The following ADGRL2 variants were observed in gnomAD, a reference collection of about 807,000 sequenced individuals.
The protein encoded by ADGRL2 is calcium-independent alpha-latrotoxin receptor 2.
In ADGRL2, 44 loss-of-function variants were observed where a neutral mutation model predicts 157.4. That is an observed-to-expected ratio of 0.28 (90% CI 0.22 to 0.36). The LOEUF is 0.36. ADGRL2 is among the 10% of genes least tolerant of loss of function. The pLI, the probability that ADGRL2 is intolerant of heterozygous loss-of-function variation, is 1.00. For synonymous variants in ADGRL2, 585 were observed against 624.7 expected (o/e 0.94, Z 0.95); for missense variants, 1,510 against 1,768.9 (o/e 0.85, Z 2.63).
chr1:81,886,870 T>C (rs149592806), intron 2 of ADGRL2, among the ~76,000 whole-genome samples: 285 of 152,272 alleles, frequency 1.9e-3, no homozygotes, highest in African/African-American at 6.6e-3. Context: ...GGATTCTATA[T>C]ATAATTAATG....
At chr1:81,871,541 A>G (rs1475404753) in intron 2 of ADGRL2, among the ~76,000 whole-genome samples, 2 of 152,226 alleles carry the variant, frequency 1.3e-5, no homozygotes, top group Non-Finnish European at 2.9e-5. Context: ...ACTAGTTTAC[A>G]GTCCCACCAG....
At chr1:81,831,070 G>C (rs1305353464) in intron 1 of ADGRL2, among the ~76,000 whole-genome samples, 1 of 152,124 alleles carries the variant, frequency 6.6e-6, no homozygotes, top group Non-Finnish European at 1.5e-5. Flanking sequence ...GAGCCACGTT[G>C]AGTTTTTTCT....
At chr1:81,362,779 C>G (rs931025704) in intron 1 of ADGRL2, among the ~76,000 whole-genome samples, 2 of 151,796 alleles carry the variant, frequency 1.3e-5, no homozygotes, top group South Asian at 2.1e-4. Flanking sequence ...AACATAAAAC[C>G]TTTTCCATGT....
At chr1:81,470,760 G>A (rs1414344995) in intron 2 of ADGRL2, among the ~76,000 whole-genome samples, 1 of 152,192 alleles carries the variant, frequency 6.6e-6, no homozygotes, top group African/African-American at 2.4e-5. Flanking sequence ...TTAACGTGCA[G>A]CAGGAATAAT....
chr1:81,798,439 G>A (rs1348535478), upstream of ADGRL2, among the ~76,000 whole-genome samples: 1 of 152,008 alleles, frequency 6.6e-6, no homozygotes, highest in Non-Finnish European at 1.5e-5. Context: ...TCTTACACAA[G>A]CAGTATTCTT....
intron 2 of ADGRL2, among the ~76,000 whole-genome samples, chr1:81,780,746 G>A (rs188179609): frequency 6.6e-6 from 1 of 152,306 alleles, no homozygotes; most frequent in Non-Finnish European, 1.5e-5. Context: ...GATTTAATCT[G>A]TAGGTTTCCT....
chr1:81,468,477 T>A lies in ADGRL2; in HGVS notation c.-248+23388T>A, dbSNP rs375715345. Among the ~76,000 whole-genome samples, 15 of 152,280 alleles carry A rather than the reference T, an allele frequency of 9.9e-5. 1 individual carries two copies. The highest frequency in any genetic ancestry group is 4.6e-4 in the Admixed American group (7 of 15,286). On this transcript the variant is annotated intron_variant, in intron 2 of 24. Transcript: ENST00000370721. ...CCCAACATTTGTCAGAATTTTTAAATAAAAGTTGATTTCTTATGGAAAAGA... is the reference window on the plus strand; with the variant it reads ...CCCAACATTTGTCAGAATTTTTAAAAAAAAGTTGATTTCTTATGGAAAAGA...
chr1:81,469,553 C>T (rs879658347), intron 2 of ADGRL2, among the ~76,000 whole-genome samples: 2 of 152,248 alleles, frequency 1.3e-5, no homozygotes, highest in African/African-American at 4.8e-5. Flanking sequence ...CTTTAGCTAT[C>T]TTTGGTATCT....
chr1:81,933,358 A>T lies in ADGRL2; in HGVS notation c.288-3370A>T, dbSNP rs148666616. Among the ~76,000 whole-genome samples, 723 of 152,316 alleles carry T rather than the reference A, an allele frequency of 4.7e-3. 3 individuals carry two copies. Among genetic ancestry groups the T allele is most frequent in the African/African-American group, 0.017 (694 of 41,576 alleles). ...CACATGGTATTACCAAAATATACTG[A>T]TAGTTTGATTGTTAAAACAATGATA... On this transcript the variant is annotated intron_variant, in intron 3 of 23. Transcript: ENST00000686636.
intron 1 of ADGRL2, among the ~76,000 whole-genome samples, chr1:81,707,076 G>A (rs913245835): frequency 6.6e-6 from 1 of 152,112 alleles, no homozygotes; most frequent in East Asian, 1.9e-4. Flanking sequence ...TTGGTCTGCC[G>A]CGCTATTTTA....
intron 1 of ADGRL2, among the ~76,000 whole-genome samples, chr1:81,395,013 T>C (rs2076630098): frequency 6.6e-6 from 1 of 151,956 alleles, no homozygotes; most frequent in Non-Finnish European, 1.5e-5. Flanking sequence ...ATTCTCATGC[T>C]TTAGCCTCCC....
intron 1 of ADGRL2, among the ~76,000 whole-genome samples, chr1:81,358,031 TAA>T (rs888467461): frequency 5.9e-5 from 9 of 152,220 alleles, no homozygotes; most frequent in African/African-American, 1.2e-4. Context: ...CATTTTCTTA[TAA>T]GTCATTATAC....
At chr1:81,816,479 G>T (rs1325332232) in intron 1 of ADGRL2, among the ~76,000 whole-genome samples, 3 of 151,782 alleles carry the variant, frequency 2.0e-5, no homozygotes, top group Admixed American at 2.0e-4. Context: ...TGAATGGATG[G>T]TTGAGGGCCT....
intron 1 of ADGRL2, among the ~76,000 whole-genome samples, chr1:81,343,135 CT>C (rs1266714425): frequency 7.6e-6 from 1 of 132,374 alleles, no homozygotes; most frequent in African/African-American, 3.0e-5. Flanking sequence ...GCTGCCCAGG[CT>C]GGAGTGCAGT....
chr1:81,604,543 A>T (rs1036372059), intron 3 of ADGRL2, among the ~76,000 whole-genome samples: 1 of 152,214 alleles, frequency 6.6e-6, no homozygotes, highest in African/African-American at 2.4e-5. Context: ...CATTGTTGAG[A>T]TTTTATAAGT....
chr1:81,373,080 T>C (rs1307516038), intron 1 of ADGRL2, among the ~76,000 whole-genome samples: 1 of 152,160 alleles, frequency 6.6e-6, no homozygotes, highest in African/African-American at 2.4e-5. Flanking sequence ...GCTGCTAATT[T>C]GGGGGTCACA....
At chr1:81,403,945 G>A (rs534987311) in intron 1 of ADGRL2, among the ~76,000 whole-genome samples, 15 of 151,718 alleles carry the variant, frequency 9.9e-5, no homozygotes, top group South Asian at 2.1e-4. Context: ...CTACAGGTGC[G>A]CACCACCACA....
chr1:81,510,044 G>T (rs965388523), intron 2 of ADGRL2, among the ~76,000 whole-genome samples: 2 of 152,100 alleles, frequency 1.3e-5, no homozygotes, highest in African/African-American at 2.4e-5. Flanking sequence ...AACAAATACC[G>T]CTGTTAGGAA....
intron 1 of ADGRL2, among the ~76,000 whole-genome samples, chr1:81,391,349 C>T (rs537952668): frequency 8.0e-3 from 1,210 of 151,294 alleles, no homozygotes; most frequent in African/African-American, 0.029. Context: ...AGCTGCTCTG[C>T]GATTTTACTA....
Sources: gnomAD v4.1 joint callset for allele counts (sites outside exome capture counted in the v4.1 genomes callset) on GRCh38, gnomAD v4.1.1 for gene constraint, MANE v1.5 for transcripts, NCBI Gene and HGNC (gene_info 2026-07-23, HGNC 2026-07-21) for gene names.